PCDHGB4: variants seen among roughly 807,000 people sequenced by gnomAD.
The protein encoded by PCDHGB4 is protocadherin gamma-B4.
Under a neutral mutation model 60.5 loss-of-function variants are expected in PCDHGB4, and 38 were observed. The observed-to-expected ratio is 0.63, with a 90% CI of 0.48 to 0.82. The LOEUF is 0.82. Ranked by LOEUF, PCDHGB4 falls within the 40% of genes least tolerant of loss-of-function variation. PCDHGB4 has a pLI of 0.00. For synonymous variants in PCDHGB4, 456 were observed against 509.7 expected, an observed-to-expected ratio of 0.89 and a Z score of 1.42; for missense variants, 1,109 against 1,209.6, an observed-to-expected ratio of 0.92 and a Z score of 1.23.
At position 141,497,121 on chromosome 5, in the gene PCDHGB4, G is replaced by T. The variant is rs185298630; in HGVS notation, c.2456+2256G>T. Among the ~76,000 whole-genome samples, 563 of 152,212 alleles carry T rather than the reference G, an allele frequency of 3.7e-3. 5 individuals are homozygous for T. The highest frequency in any genetic ancestry group is 0.011 in the Admixed American group (164 of 15,296). On this transcript the variant is annotated intron_variant, in intron 2 of 3. Coordinates refer to ENST00000519479, the MANE Select transcript of PCDHGB4 (RefSeq NM_003736.4). Reference sequence around the variant, plus strand: ...GAACTGCTTGAACCCGGAAGGCAGAGGTTGCAGTGAGCTGAGATCACGAAA... The same window carrying T: ...GAACTGCTTGAACCCGGAAGGCAGATGTTGCAGTGAGCTGAGATCACGAAA...
chr5:141,510,420 G>T (rs1275392355), intron 3 of PCDHGB4, among the ~76,000 whole-genome samples: 3 of 152,126 alleles, frequency 2.0e-5, no homozygotes, highest in African/African-American at 7.2e-5. Flanking sequence ...TAAAGCCATG[G>T]TTTCATGGCT....
At position 141,387,768 on chromosome 5, in the gene PCDHGB4, T is replaced by G. The variant is rs892776132; in HGVS notation, c.-117T>G. 1 of 1,435,344 alleles carries G rather than the reference T, an allele frequency of 7.0e-7. No homozygotes were observed. Among genetic ancestry groups the G allele is most frequent in the African/African-American group, 1.4e-5 (1 of 69,602 alleles). The allele number at this position is 1,435,344 out of a possible 1,614,324, so 88.9% of individuals were successfully genotyped here. A position where few individuals can be genotyped will look rare whatever the true frequency, so the allele number is the denominator to read the frequency against. On this transcript the variant is annotated 5_prime_UTR_variant, in exon 1 of 4. Transcript: ENST00000519479. ...TTCCTCCTCGGAAAAAGAAGAATTT[T>G]TTCTTGAACTGGAACTGCAACTAAA...
At chr5:141,506,308 G>A (rs941724820) in intron 3 of PCDHGB4, among the ~76,000 whole-genome samples, 8 of 152,100 alleles carry the variant, frequency 5.3e-5, no homozygotes. Flanking sequence ...AATTAGCTGG[G>A]CATGGTGGTG....
At position 141,408,409 on chromosome 5, in the gene PCDHGB4, C is replaced by G. The variant is rs780778580; in HGVS notation, c.2397+18128C>G. On this transcript the variant is annotated intron_variant, in intron 1 of 3. Coordinates refer to ENST00000519479, the MANE Select transcript of PCDHGB4 (RefSeq NM_003736.4). ...TGTCGGCTCGCAAGCTGCGAGTGAGCGCGGAGAAGCTGCACTTCAGCGTAG... is the reference window on the plus strand; with the variant it reads ...TGTCGGCTCGCAAGCTGCGAGTGAGGGCGGAGAAGCTGCACTTCAGCGTAG... 3.1e-6 allele frequency: 5 copies of G among 1,613,884 alleles called. No individual in the cohort carries two copies. In the East Asian group the frequency reaches 1.1e-4, roughly 36 times the overall value.
intron 1 of PCDHGB4, chr5:141,390,888 G>A (rs1420100403): frequency 6.7e-6 from 1 of 149,538 alleles, no homozygotes; most frequent in African/African-American, 2.4e-5. Context: ...GTGTGTGTGT[G>A]AGAGAGATCC....
At chr5:141,483,603 A>T (rs1277479077) in intron 1 of PCDHGB4, among the ~76,000 whole-genome samples, 1 of 152,054 alleles carries the variant, frequency 6.6e-6, no homozygotes, top group Non-Finnish European at 1.5e-5. Context: ...AGGCTGGTTT[A>T]CACCTCCATC....
chr5:141,471,394 G>A (rs1349459242), intron 1 of PCDHGB4: 1 of 152,056 alleles, frequency 6.6e-6, no homozygotes, highest in Non-Finnish European at 1.5e-5. Context: ...TACAAGTTAC[G>A]TAGCTAGGCT....
At chr5:141,488,217 A>G (rs537136341) in intron 1 of PCDHGB4, among the ~76,000 whole-genome samples, 2 of 152,274 alleles carry the variant, frequency 1.3e-5, no homozygotes, top group East Asian at 1.9e-4. Flanking sequence ...TCAAGTCCCT[A>G]CTGGGGATTT....
intron 1 of PCDHGB4, among the ~76,000 whole-genome samples, chr5:141,443,070 T>C (rs983773796): frequency 6.6e-6 from 1 of 152,244 alleles, no homozygotes; most frequent in African/African-American, 2.4e-5. Flanking sequence ...GAGCGTCTTA[T>C]GACTGAGTGT....
Position 141,432,229 on chromosome 5 carries a change from C to T in PCDHGB4, c.2397+41948C>T, listed in dbSNP as rs1246285803. Reference sequence around the variant, plus strand: ...AAGAGAACGCCCAGATCACTTATTCCCTGGCTGAGAACACCATCCAAGGGG... The same window carrying T: ...AAGAGAACGCCCAGATCACTTATTCTCTGGCTGAGAACACCATCCAAGGGG... On this transcript the variant is annotated intron_variant, in intron 1 of 3. Coordinates refer to ENST00000519479, the MANE Select transcript of PCDHGB4 (RefSeq NM_003736.4). The surrounding 1 kb of genome is among the most constrained non-coding windows in gnomAD (Gnocchi z 6.0). The T allele has an allele frequency of 6.2e-7, 1 of 1,614,232 alleles. No homozygotes were observed.
chr5:141,489,148 C>G lies in PCDHGB4; in HGVS notation c.2398-5659C>G. 1 of 895,318 alleles carries G rather than the reference C, an allele frequency of 1.1e-6. No individual in the cohort carries two copies. Among genetic ancestry groups the G allele is most frequent in the Non-Finnish European group, 1.7e-6 (1 of 589,254 alleles). The allele number at this position is 895,318 out of a possible 1,614,324, so 55.5% of individuals were successfully genotyped here. A position where few individuals can be genotyped will look rare whatever the true frequency, so the allele number is the denominator to read the frequency against. ...CAGTTTTTAAGAGGCTGGAAGGAGA[C>G]ATAAGAGACTTCAGCTGCTGCATTC... On this transcript the variant is annotated intron_variant, in intron 1 of 3. Transcript: ENST00000519479. This position sits in a 1 kb window ranked among gnomAD's most constrained non-coding sequence, Gnocchi z 4.5.
Position 141,489,090 on chromosome 5 carries a change from C to CAAA in PCDHGB4, c.2398-5717_2398-5716insAAA. ...CCTGCCCACCCCCGCCACTCGGTGA[C>CAAA]TAAGAACTGCTGCAAGCAGGCAAAC... is the stretch of plus-strand genomic sequence containing the variant. On this transcript the variant is annotated intron_variant, in intron 1 of 3. Transcript: ENST00000519479. The surrounding 1 kb of genome is among the most constrained non-coding windows in gnomAD (Gnocchi z 4.5). 7 of 328,768 alleles carry CAAA rather than the reference C, an allele frequency of 2.1e-5. No homozygotes were observed. The highest frequency in any genetic ancestry group is 6.1e-5 in the Admixed American group (1 of 16,494). The allele number at this position is 328,768 out of a possible 1,614,324, so 20.4% of individuals were successfully genotyped here. A position where few individuals can be genotyped will look rare whatever the true frequency, so the allele number is the denominator to read the frequency against.
chr5:141,487,404 C>A lies in PCDHGB4; in HGVS notation c.2398-7403C>A, dbSNP rs771371344. 1.2e-6 allele frequency: 2 copies of A among 1,614,178 alleles called. No homozygotes were observed. Among genetic ancestry groups the A allele is most frequent in the Non-Finnish European group, 1.7e-6 (2 of 1,180,032 alleles). ...AGATCTCGAAGGAGGGAGGGGCTTC[C>A]CCCTTCCAATGGGATCCTCCGAATC... is the stretch of plus-strand genomic sequence containing the variant. On this transcript the variant is annotated intron_variant, in intron 1 of 3. Coordinates refer to ENST00000519479, the MANE Select transcript of PCDHGB4 (RefSeq NM_003736.4). The surrounding 1 kb of genome is among the most constrained non-coding windows in gnomAD (Gnocchi z 5.0).
intron 1 of PCDHGB4, chr5:141,418,637 T>C: frequency 6.2e-7 from 1 of 1,613,998 alleles, no homozygotes; most frequent in Non-Finnish European, 8.5e-7. Context: ...TCCAGGCACC[T>C]CCATCCTGAG....
intron 1 of PCDHGB4, chr5:141,424,706 T>G (rs752721357): frequency 4.6e-5 from 7 of 152,190 alleles, no homozygotes; most frequent in Non-Finnish European, 8.8e-5. Context: ...TTTGTTCATT[T>G]TCAGTGTAGT....
chr5:141,393,381 A>G, intron 1 of PCDHGB4: 3 of 1,614,022 alleles, frequency 1.9e-6, no homozygotes, highest in South Asian at 1.1e-5. Flanking sequence ...CAATGGAGCC[A>G]TAAACCCAGA....
At position 141,490,551 on chromosome 5, in the gene PCDHGB4, T is replaced by C; in HGVS notation, c.2398-4256T>C. On this transcript the variant is annotated intron_variant, in intron 1 of 3. Coordinates refer to ENST00000519479, the MANE Select transcript of PCDHGB4 (RefSeq NM_003736.4). The surrounding 1 kb of genome is among the most constrained non-coding windows in gnomAD (Gnocchi z 5.4). ...CTGGTTCACCTTCCCTACACAAACA[T>C]CTCACCATCAGGCTCAACATTTCAG... 1 of 1,614,088 alleles carries C rather than the reference T, an allele frequency of 6.2e-7. No individual in the cohort carries two copies. The highest frequency in any genetic ancestry group is 1.1e-5 in the South Asian group (1 of 91,086).
Position 141,477,783 on chromosome 5 carries a change from T to C in PCDHGB4, c.2398-17024T>C. 1 of 1,614,078 alleles carries C rather than the reference T, an allele frequency of 6.2e-7. No individual in the cohort carries two copies. Among genetic ancestry groups the C allele is most frequent in the Non-Finnish European group, 8.5e-7 (1 of 1,180,028 alleles). On this transcript the variant is annotated intron_variant, in intron 1 of 3. Coordinates refer to ENST00000519479, the MANE Select transcript of PCDHGB4 (RefSeq NM_003736.4). The surrounding 1 kb of genome is among the most constrained non-coding windows in gnomAD (Gnocchi z 4.9). ...GCCACCAACATCAGCGTGAACATAT[T>C]TGTCACTGATCGCAATGACAATGCC...
intron 1 of PCDHGB4, chr5:141,426,347 T>C (rs977411941): frequency 5.2e-6 from 1 of 193,980 alleles, no homozygotes; most frequent in African/African-American, 2.3e-5. Context: ...TTCCCTTTCC[T>C]GCTGCCTTTG....
Sources: allele counts gnomAD v4.1 joint callset (sites outside exome capture counted in the v4.1 genomes callset), GRCh38; gene constraint gnomAD v4.1.1; non-coding constraint Gnocchi (gnomAD v3.1); transcripts MANE v1.5; gene names NCBI Gene and HGNC (gene_info 2026-07-23, HGNC 2026-07-21).